CDH12: variants seen among roughly 807,000 people sequenced by gnomAD.
The protein encoded by CDH12 is cadherin 12, also known as cadherin-12.
A neutral mutation model predicts 74.1 loss-of-function variants in CDH12; 41 were observed. That is an observed-to-expected ratio of 0.55 (90% CI 0.43 to 0.72). The LOEUF is 0.72. CDH12 is among the 30% of genes least tolerant of loss of function. The probability of loss-of-function intolerance (pLI) is 0.00; values close to 1 mark genes in which losing one functional copy is unlikely to be tolerated. For missense variants in CDH12, 945 were observed against 977.2 expected (o/e 0.97, Z 0.44); for synonymous variants, 399 against 355.0 (o/e 1.12, Z -1.39).
intron 4 of CDH12, among the ~76,000 whole-genome samples, chr5:22,174,521 G>C (rs1311574508): frequency 2.0e-5 from 3 of 151,896 alleles, no homozygotes; most frequent in Non-Finnish European, 4.4e-5. Context: ...CTAGAATTTA[G>C]TGAAAAATCA....
At chr5:22,224,699 G>C (rs1752134683) in intron 3 of CDH12, among the ~76,000 whole-genome samples, 1 of 151,966 alleles carries the variant, frequency 6.6e-6, no homozygotes, top group South Asian at 2.1e-4. Flanking sequence ...TAGCAGTACT[G>C]ACTTGAGTCA....
chr5:22,751,339 CAT>C (rs10616177), intron 1 of CDH12, among the ~76,000 whole-genome samples: 108,443 of 145,132 alleles, frequency 0.75, 40,536 homozygotes, highest in Non-Finnish European at 0.8. Context: ...ATATAATATA[CAT>C]ATATATATAT....
intron 1 of CDH12, among the ~76,000 whole-genome samples, chr5:22,724,790 A>T (rs1744080699): frequency 6.6e-6 from 1 of 151,860 alleles, no homozygotes; most frequent in African/African-American, 2.4e-5. Context: ...CTATTTTTAG[A>T]TTGTTTCCAC....
At chr5:22,696,961 A>C (rs1179483745) in intron 1 of CDH12, among the ~76,000 whole-genome samples, 1 of 152,152 alleles carries the variant, frequency 6.6e-6, no homozygotes, top group Non-Finnish European at 1.5e-5. Flanking sequence ...GAAAAAAAAA[A>C]AATCTTAAAA....
At chr5:22,008,093 T>A (rs1737070420) in intron 5 of CDH12, among the ~76,000 whole-genome samples, 1 of 152,162 alleles carries the variant, frequency 6.6e-6, no homozygotes, top group South Asian at 2.1e-4. Flanking sequence ...GCTGTTATTT[T>A]TGTATTATCT....
At chr5:22,273,000 A>G (rs1009143518) in intron 3 of CDH12, among the ~76,000 whole-genome samples, 2 of 152,130 alleles carry the variant, frequency 1.3e-5, no homozygotes, top group Admixed American at 6.6e-5. Context: ...TGCTTATAAA[A>G]CCATCAACTC....
intron 1 of CDH12, among the ~76,000 whole-genome samples, chr5:22,708,438 CAG>C (rs1743129429): frequency 6.6e-6 from 1 of 152,076 alleles, no homozygotes; most frequent in South Asian, 2.1e-4. Flanking sequence ...AAAGGGAGGT[CAG>C]AGAGTTTGTC....
At chr5:22,643,818 T>A (rs934866465) in intron 1 of CDH12, among the ~76,000 whole-genome samples, 7 of 148,286 alleles carry the variant, frequency 4.7e-5, no homozygotes, top group Non-Finnish European at 1.0e-4. Flanking sequence ...GTACCATTTT[T>A]CCAACGGCAT....
chr5:22,847,175 T>C (rs373819209), intron 1 of CDH12, among the ~76,000 whole-genome samples: 1 of 152,170 alleles, frequency 6.6e-6, no homozygotes, highest in African/African-American at 2.4e-5. Context: ...TATAAGACAC[T>C]CTTTTACTTG....
chr5:22,019,197 T>C (rs1274819057), intron 5 of CDH12, among the ~76,000 whole-genome samples: 1 of 152,222 alleles, frequency 6.6e-6, no homozygotes. Flanking sequence ...TGTCTTGTTC[T>C]ATATGTTGGA....
intron 5 of CDH12, among the ~76,000 whole-genome samples, chr5:22,063,308 G>A (rs183840712): frequency 8.5e-4 from 129 of 152,100 alleles, no homozygotes; most frequent in Non-Finnish European, 1.2e-3. Flanking sequence ...TTATTGGTAG[G>A]TCTTTCTGGA....
chr5:22,543,198 G>T (rs1738178890), intron 1 of CDH12, among the ~76,000 whole-genome samples: 2 of 152,064 alleles, frequency 1.3e-5, no homozygotes, highest in African/African-American at 4.8e-5. Context: ...GTTAATAGGA[G>T]AATCAAATGG....
At chr5:22,566,630 G>C (rs1483956615) in intron 1 of CDH12, among the ~76,000 whole-genome samples, 2 of 152,088 alleles carry the variant, frequency 1.3e-5, no homozygotes, top group African/African-American at 2.4e-5. Flanking sequence ...TTTCTTCTCA[G>C]TTTTCGCTTT....
chr5:21,853,480 C>T (rs1460028638), intron 7 of CDH12, among the ~76,000 whole-genome samples: 2 of 151,424 alleles, frequency 1.3e-5, no homozygotes, highest in African/African-American at 4.8e-5. Flanking sequence ...TGACTTCTGG[C>T]CCCTATTGGC....
chr5:22,223,991 A>G (rs1752104276), intron 3 of CDH12, among the ~76,000 whole-genome samples: 1 of 152,038 alleles, frequency 6.6e-6, no homozygotes, highest in South Asian at 2.1e-4. Context: ...CAGGTAGGAA[A>G]TAATTGGGAA....
At chr5:22,714,421 C>T (rs1290977761) in intron 1 of CDH12, among the ~76,000 whole-genome samples, 2 of 152,140 alleles carry the variant, frequency 1.3e-5, no homozygotes, top group African/African-American at 2.4e-5. Context: ...GATCACCAGC[C>T]TCTTTCAGCG....
chr5:22,607,756 A>C (rs1329982936), intron 1 of CDH12, among the ~76,000 whole-genome samples: 4 of 152,220 alleles, frequency 2.6e-5, no homozygotes, highest in Non-Finnish European at 5.9e-5. Context: ...GGTGCACTGC[A>C]TCCTAGCTGC....
At chr5:22,824,266 A>G (rs1445948948) in intron 1 of CDH12, among the ~76,000 whole-genome samples, 2 of 152,132 alleles carry the variant, frequency 1.3e-5, no homozygotes, top group Non-Finnish European at 2.9e-5. Flanking sequence ...TGAGTGTGTA[A>G]CTGTCAAACC....
At chr5:21,970,455 G>A (rs1756792009) in intron 6 of CDH12, among the ~76,000 whole-genome samples, 1 of 152,062 alleles carries the variant, frequency 6.6e-6, no homozygotes, top group Admixed American at 6.6e-5. Context: ...ACTTATATAT[G>A]TTTCTAAGTT....
Sources: allele counts gnomAD v4.1 joint callset (sites outside exome capture counted in the v4.1 genomes callset), GRCh38; gene constraint gnomAD v4.1.1; transcripts MANE v1.5; gene names NCBI Gene and HGNC (gene_info 2026-07-23, HGNC 2026-07-21).